The following CD55 variants were observed in gnomAD, a reference collection of about 807,000 sequenced individuals.
CD55 encodes complement decay-accelerating factor.
A neutral mutation model predicts 45.8 loss-of-function variants in CD55; 41 were observed. The observed-to-expected ratio is 0.90, with a 90% CI of 0.70 to 1.16. The LOEUF (loss-of-function observed/expected upper bound fraction) is 1.16. CD55 is among the 50% of genes most tolerant of loss of function. The pLI is 0.00. For synonymous variants in CD55, 181 were observed against 181.1 expected, an observed-to-expected ratio of 1.00 and a Z score of 0.01; for missense variants, 416 against 469.8, an observed-to-expected ratio of 0.89 and a Z score of 1.06.
intron 9 of CD55, among the ~76,000 whole-genome samples, chr1:207,351,201 T>C (rs1655853955): frequency 6.6e-6 from 1 of 152,210 alleles, no homozygotes; most frequent in African/African-American, 2.4e-5. Flanking sequence ...TGCTGTGGCC[T>C]AAGAGTATGG....
intron 6 of CD55, among the ~76,000 whole-genome samples, chr1:207,331,819 C>T (rs1458350892): frequency 6.6e-6 from 1 of 152,048 alleles, no homozygotes; most frequent in Middle Eastern, 3.2e-3. Flanking sequence ...TCTTTTTATA[C>T]CCAGAAGGTA....
chr1:207,341,855 T>C (rs968941125), intron 9 of CD55, among the ~76,000 whole-genome samples: 5 of 152,166 alleles, frequency 3.3e-5, no homozygotes, highest in South Asian at 2.1e-4. Context: ...ATTTTAACAA[T>C]AATAGCTCTT....
chr1:207,351,632 T>G (rs554689617), intron 9 of CD55, among the ~76,000 whole-genome samples: 1 of 152,320 alleles, frequency 6.6e-6, no homozygotes, highest in South Asian at 2.1e-4. Context: ...AGATTTATCT[T>G]GAAAGATTCC....
At position 207,343,033 on chromosome 1, in the gene CD55, T is replaced by G. The variant is rs28739016; in HGVS notation, c.1081+3616T>G. ...TATTTTGTATTTCTGTGGTATCAGT[T>G]GTAATGTCTCTTTTTTCATTTCTGA... On this transcript the variant is annotated intron_variant, in intron 9 of 9. Coordinates refer to ENST00000367064, the MANE Select transcript of CD55 (RefSeq NM_000574.5). Among the ~76,000 whole-genome samples the G allele has an allele frequency of 5.2e-3, 792 of 152,252 alleles. 4 individuals are homozygous for G. Among genetic ancestry groups the G allele is most frequent in the Middle Eastern group, 0.017 (5 of 294 alleles).
intron 9 of CD55, among the ~76,000 whole-genome samples, chr1:207,349,428 C>T (rs1655779767): frequency 6.6e-6 from 1 of 152,004 alleles, no homozygotes; most frequent in South Asian, 2.1e-4. Flanking sequence ...AGTGATCCAC[C>T]TGCCTCAGCC....
rs1040020909 is a variant in CD55, at chr1:207,331,225, G to A, written c.782G>A (p.Gly261Glu). Residue 261 changes from glycine to glutamate, a missense_variant, in exon 6 of 10, where the codon GGA becomes GAA. Coordinates refer to ENST00000367064, the MANE Select transcript of CD55 (RefSeq NM_000574.5). Reference sequence around the variant, plus strand: ...TGTAATAAAGGATTCACCATGATTGGAGAGCACTCTATTTATTGTACTGTG... The same window carrying A: ...TGTAATAAAGGATTCACCATGATTGAAGAGCACTCTATTTATTGTACTGTG... ...YACNKGFTMI[G>E]EHSIYCTVNN... 2 of 1,613,660 alleles carry A rather than the reference G, an allele frequency of 1.2e-6. No homozygotes were observed. Among genetic ancestry groups the A allele is most frequent in the African/African-American group, 2.7e-5 (2 of 74,864 alleles).
chr1:207,355,129 A>C (rs1430268381), intron 9 of CD55, among the ~76,000 whole-genome samples: 1 of 152,222 alleles, frequency 6.6e-6, no homozygotes, highest in African/African-American at 2.4e-5. Context: ...GTAAAAACTT[A>C]CCTGTGGTAG....
At position 207,353,548 on chromosome 1, in the gene CD55, T is replaced by C. The variant is rs1655967439; in HGVS notation, c.1082-5998T>C. Among the ~76,000 whole-genome samples the C allele has an allele frequency of 2.0e-5, 3 of 152,190 alleles. No individual in the cohort carries two copies. In the South Asian group the frequency reaches 6.2e-4, roughly 32 times the overall value. ...AATAAGATGTGGTTACAGGGGTCTT[T>C]ATGTCTTATTACATGCCCCTATACA... On this transcript the variant is annotated intron_variant, in intron 9 of 9. Transcript: ENST00000367064.
rs1240626057 is a variant in CD55 at position 207,331,191 on chromosome 1, A to T, written c.748A>T (p.Thr250Ser). The change falls in exon 6 of 10, where the codon ACG (threonine) becomes TCG (serine). Residue 250 changes from threonine (T) to serine (S), a missense_variant. This residue lies in a region of CD55 where 182 missense variants were observed against 201.4 expected (regional missense o/e 0.90). Coordinates refer to ENST00000367064, the MANE Select transcript of CD55 (RefSeq NM_000574.5). The part of the protein sequence containing the change: ...RDHYGYRQSV[T>S]YACNKGFTMI... Reference sequence around the variant, plus strand: ...CCATTATGGATATAGACAGTCTGTAACGTATGCATGTAATAAAGGATTCAC... The same window carrying T: ...CCATTATGGATATAGACAGTCTGTATCGTATGCATGTAATAAAGGATTCAC... The T allele has an allele frequency of 6.2e-7, 1 of 1,613,104 alleles. No individual in the cohort carries two copies. Among genetic ancestry groups the T allele is most frequent in the Non-Finnish European group, 8.5e-7 (1 of 1,179,166 alleles).
intron 9 of CD55, among the ~76,000 whole-genome samples, chr1:207,339,672 T>C (rs574532880): frequency 2.8e-4 from 42 of 152,172 alleles, no homozygotes; most frequent in Non-Finnish European, 5.6e-4. Context: ...CTGGATTATT[T>C]GGAAGATAAT....
chr1:207,336,218 A>C (rs1655165685), intron 6 of CD55, among the ~76,000 whole-genome samples: 1 of 152,178 alleles, frequency 6.6e-6, no homozygotes, highest in African/African-American at 2.4e-5. Flanking sequence ...TTTTACTCAG[A>C]CTCGAGTATC....
chr1:207,329,742 G>T (rs1654855636), intron 5 of CD55, among the ~76,000 whole-genome samples: 1 of 152,028 alleles, frequency 6.6e-6, no homozygotes, highest in Non-Finnish European at 1.5e-5. Flanking sequence ...CTCCCTTGTA[G>T]CTGGGACTAT....
At chr1:207,352,112 T>C (rs558981809) in intron 9 of CD55, among the ~76,000 whole-genome samples, 20 of 152,280 alleles carry the variant, frequency 1.3e-4, no homozygotes, top group Admixed American at 1.3e-3. Context: ...GATTTTTTTT[T>C]CCTATTCTGC....
intron 5 of CD55, among the ~76,000 whole-genome samples, chr1:207,327,993 G>C (rs1654763047): frequency 6.6e-6 from 1 of 152,170 alleles, no homozygotes; most frequent in East Asian, 1.9e-4. Context: ...ACAAGGAAAA[G>C]CTGGGCCATA....
intron 9 of CD55, among the ~76,000 whole-genome samples, chr1:207,342,768 A>G (rs886740678): frequency 4.6e-5 from 7 of 152,128 alleles, no homozygotes; most frequent in Admixed American, 4.6e-4. Flanking sequence ...TTTCAGGAGA[A>G]TTGGTATTAG....
At chr1:207,323,614 G>A (rs1654531216) in intron 2 of CD55, among the ~76,000 whole-genome samples, 1 of 152,102 alleles carries the variant, frequency 6.6e-6, no homozygotes, top group Admixed American at 6.5e-5. Flanking sequence ...AAAGAGACCC[G>A]ATAACCTGAC....
At chr1:207,354,234 A>T (rs1655997750) in intron 9 of CD55, 1 of 1,282,948 alleles carries the variant, frequency 7.8e-7, no homozygotes, top group East Asian at 2.9e-5. Context: ...AAACAGTTAA[A>T]ATTATGGCCT....
intron 7 of CD55, 45 bp from the exon 8 acceptor site, chr1:207,337,284 A>G (rs1655222724): frequency 8.4e-7 from 1 of 1,186,726 alleles, no homozygotes; most frequent in South Asian, 1.2e-5. Flanking sequence ...CCAGTGACTA[A>G]TGGTCTCAAG....
intron 6 of CD55, among the ~76,000 whole-genome samples, chr1:207,333,439 G>C (rs922581077): frequency 9.2e-5 from 14 of 152,306 alleles, no homozygotes; most frequent in Middle Eastern, 3.4e-3. Flanking sequence ...ATTCCTAATA[G>C]GTTGAAGATA....
Sources: gnomAD v4.1 joint callset for allele counts (sites outside exome capture counted in the v4.1 genomes callset) on GRCh38, gnomAD v4.1.1 for gene constraint, gnomAD v4.1.1 regional missense constraint, MANE v1.5 for transcripts, NCBI Gene and HGNC (gene_info 2026-07-23, HGNC 2026-07-21) for gene names.